ZER1: variants seen among roughly 807,000 people sequenced by gnomAD.
The protein encoded by ZER1 is zyg-11 related cell cycle regulator.
ZER1 carries 11 observed loss-of-function variants against 78.8 expected under a neutral mutation model. The observed-to-expected ratio is 0.14, with a 90% CI of 0.09 to 0.23. The LOEUF (loss-of-function observed/expected upper bound fraction) is 0.23. Ranked by LOEUF, ZER1 falls within the 10% of genes least tolerant of loss-of-function variation. ZER1 has a pLI of 1.00. For missense variants in ZER1, 588 were observed against 996.9 expected (o/e 0.59, Z 5.52); for synonymous variants, 400 against 407.0 (o/e 0.98, Z 0.21).
intron 13 of ZER1, among the ~76,000 whole-genome samples, chr9:128,737,437 A>G (rs1440403874): frequency 6.6e-6 from 1 of 152,110 alleles, no homozygotes; most frequent in Non-Finnish European, 1.5e-5. Flanking sequence ...AACGCTACCA[A>G]TGTCAGCCTG....
chr9:128,742,441 G>A (rs892177092), intron 9 of ZER1, 89 bp downstream of exon 9: 1 of 1,484,788 alleles, frequency 6.7e-7, no homozygotes, highest in Non-Finnish European at 9.3e-7. Flanking sequence ...CCCAGCCCCA[G>A]GCCCTGCTCT....
At chr9:128,765,310 C>T (rs1179119037) in intron 1 of ZER1, among the ~76,000 whole-genome samples, 1 of 152,164 alleles carries the variant, frequency 6.6e-6, no homozygotes, top group African/African-American at 2.4e-5. Flanking sequence ...CAATTTATGC[C>T]TGGTGTTTAA....
At chr9:128,734,367 T>C (rs995841136) in intron 14 of ZER1, among the ~76,000 whole-genome samples, 29 of 149,900 alleles carry the variant, frequency 1.9e-4, no homozygotes, top group African/African-American at 5.9e-4. Flanking sequence ...CAGCTAATTT[T>C]TGTATTTTTA....
At chr9:128,738,120 C>G (rs1197476735) in intron 13 of ZER1, among the ~76,000 whole-genome samples, 9 of 150,162 alleles carry the variant, frequency 6.0e-5, no homozygotes, top group Non-Finnish European at 1.2e-4. Context: ...TCTTGGCTAA[C>G]TGCAAGCTCC....
chr9:128,768,750 C>G (rs914198969), intron 1 of ZER1, among the ~76,000 whole-genome samples: 2 of 152,088 alleles, frequency 1.3e-5, no homozygotes, highest in Non-Finnish European at 2.9e-5. Context: ...TCCTATAAAG[C>G]AGGCTGGAAA....
intron 1 of ZER1, among the ~76,000 whole-genome samples, chr9:128,768,393 T>C (rs972558436): frequency 6.6e-6 from 1 of 152,176 alleles, no homozygotes; most frequent in African/African-American, 2.4e-5. Flanking sequence ...TCACAAGCTG[T>C]GTCTCATTTC....
intron 13 of ZER1, among the ~76,000 whole-genome samples, chr9:128,737,081 T>C (rs1589517805): frequency 6.6e-6 from 1 of 151,744 alleles, no homozygotes; most frequent in East Asian, 1.9e-4. Flanking sequence ...GAGACGGGGG[T>C]TGCAGTGAGC....
At chr9:128,737,579 T>C (rs778665702) in intron 13 of ZER1, among the ~76,000 whole-genome samples, 76 of 152,332 alleles carry the variant, frequency 5.0e-4, no homozygotes, top group Non-Finnish European at 7.3e-4. Flanking sequence ...ACAGTAGGAA[T>C]TGATGCCAGC....
chr9:128,750,898 C>T, intron 7 of ZER1, 109 bp from the exon 8 acceptor site: 2 of 1,506,664 alleles, frequency 1.3e-6, no homozygotes, highest in Non-Finnish European at 1.8e-6. Flanking sequence ...GTCTTGCTCT[C>T]TAAAGGCAGA....
In ZER1 at chr9:128,740,189, C is replaced by A; in HGVS notation, c.1854-70G>T. 1 of 1,451,920 alleles carries A rather than the reference C, an allele frequency of 6.9e-7. No individual in the cohort carries two copies. Among genetic ancestry groups the A allele is most frequent in the Non-Finnish European group, 9.3e-7 (1 of 1,076,812 alleles). 89.9% of individuals were successfully genotyped at this position (1,451,920 alleles called of 1,614,324 possible). A position where few individuals can be genotyped will look rare whatever the true frequency, so the allele number is the denominator to read the frequency against. On this transcript the variant is annotated intron_variant, in intron 12 of 15. Transcript: ENST00000291900. This position sits in a 1 kb window ranked among gnomAD's most constrained non-coding sequence, Gnocchi z 4.4. ...TCTCTTCAGATACCAGCGGCAGGACCCCAACTTAAAACCAGAAGCAAGAGG... is the reference window on the plus strand; with the variant it reads ...TCTCTTCAGATACCAGCGGCAGGACACCAACTTAAAACCAGAAGCAAGAGG...
At chr9:128,765,896 C>T (rs145145876) in intron 1 of ZER1, among the ~76,000 whole-genome samples, 199 of 152,268 alleles carry the variant, frequency 1.3e-3, no homozygotes, top group Non-Finnish European at 1.4e-3. Flanking sequence ...TGCAGACACA[C>T]AATAATTGGG....
At chr9:128,769,219 C>T (rs1301667011) in intron 1 of ZER1, among the ~76,000 whole-genome samples, 1 of 152,168 alleles carries the variant, frequency 6.6e-6, no homozygotes, top group Non-Finnish European at 1.5e-5. Context: ...GCAGCTAGAG[C>T]TGGTGACACC....
At chr9:128,761,058 TG>T (rs1243297620) in intron 1 of ZER1, among the ~76,000 whole-genome samples, 1 of 146,248 alleles carries the variant, frequency 6.8e-6, no homozygotes, top group East Asian at 2.1e-4. Flanking sequence ...CTCGGGAGGC[TG>T]AGGTAGAAGA....
rs1278662423 is a variant in ZER1, at chr9:128,732,778, C to CT, written c.2243+647dup. The CT allele has an allele frequency of 2.6e-5, 4 of 152,254 alleles. No individual in the cohort carries two copies. The highest frequency in any genetic ancestry group is 5.9e-5 in the Non-Finnish European group (4 of 68,078). 9.4% of individuals were successfully genotyped at this position (152,254 alleles called of 1,614,324 possible). On this transcript the variant is annotated intron_variant, in intron 15 of 15. Coordinates refer to ENST00000291900, the MANE Select transcript of ZER1 (RefSeq NM_006336.4). This position sits in a 1 kb window ranked among gnomAD's most constrained non-coding sequence, Gnocchi z 4.8. ...GTTTCAGGCCCCTCCTCCATGTGAA[C>CT]TTTTGCTCTATACAGAGCCATGAAA...
At chr9:128,765,263 G>A (rs1408276406) in intron 1 of ZER1, among the ~76,000 whole-genome samples, 2 of 151,792 alleles carry the variant, frequency 1.3e-5, no homozygotes, top group African/African-American at 2.4e-5. Flanking sequence ...GCGCAAGCGC[G>A]CACGCACCTG....
At chr9:128,760,305 C>T (rs1273944969) in intron 1 of ZER1, among the ~76,000 whole-genome samples, 6 of 152,106 alleles carry the variant, frequency 3.9e-5, no homozygotes, top group African/African-American at 1.2e-4. Context: ...CAGGTTCAAG[C>T]GATTCTCCTG....
At chr9:128,766,864 A>AAAAAGACC (rs1864227529) in intron 1 of ZER1, among the ~76,000 whole-genome samples, 1 of 150,818 alleles carries the variant, frequency 6.6e-6, no homozygotes, top group African/African-American at 2.4e-5. Context: ...AAAAAAAAAA[A>AAAAAGACC]AAAAGACCCA....
chr9:128,740,982 T>G lies in ZER1; in HGVS notation c.1738-95A>C. 1 of 716,546 alleles carries G rather than the reference T, an allele frequency of 1.4e-6. No individual in the cohort carries two copies. Among genetic ancestry groups the G allele is most frequent in the South Asian group, 1.5e-5 (1 of 66,738 alleles). The allele number at this position is 716,546 out of a possible 1,614,324, so 44.4% of individuals were successfully genotyped here. On this transcript the variant is annotated intron_variant, in intron 11 of 15. Coordinates refer to ENST00000291900, the MANE Select transcript of ZER1 (RefSeq NM_006336.4). The surrounding 1 kb of genome is among the most constrained non-coding windows in gnomAD (Gnocchi z 4.4). ...AAAAAGCTTCATGGGCATCTGGCCA[T>G]GCCAACTAGACAAAGAGGGGGCATA...
At chr9:128,731,459 G>A (rs918824205) in intron 15 of ZER1, 65 bp from the exon 16 acceptor site, 9 of 1,330,828 alleles carry the variant, frequency 6.8e-6, no homozygotes, top group East Asian at 2.3e-5. Context: ...CAGCCCCTCC[G>A]AGATCATTAG....
Sources: gnomAD v4.1 joint callset for allele counts (sites outside exome capture counted in the v4.1 genomes callset) on GRCh38, gnomAD v4.1.1 for gene constraint, Gnocchi (gnomAD v3.1) non-coding constraint, MANE v1.5 for transcripts, NCBI Gene and HGNC (gene_info 2026-07-23, HGNC 2026-07-21) for gene names.